The following F2R variants were observed in gnomAD, a reference collection of about 807,000 sequenced individuals.
The protein encoded by F2R is proteinase-activated receptor 1.
A neutral mutation model predicts 18.3 loss-of-function variants in F2R; 12 were observed. The observed-to-expected ratio is 0.66, with a 90% confidence interval of 0.42 to 1.06. The LOEUF (loss-of-function observed/expected upper bound fraction) is 1.06, where lower values mean the gene tolerates loss of function less well. Among genes scored for constraint, F2R ranks in the 50% least tolerant of loss-of-function variants. The pLI, the probability that F2R is intolerant of heterozygous loss-of-function variation, is 0.00. For synonymous variants in F2R, 210 were observed against 219.9 expected, an observed-to-expected ratio of 0.95 and a Z score of 0.40; for missense variants, 438 against 530.8, an observed-to-expected ratio of 0.83 and a Z score of 1.72.
chr5:76,732,466 C>G lies in F2R; in HGVS notation c.241C>G (p.Gln81Glu). ...LVSINKSSPLQKQLPAFISED... is the reference protein window; with the variant it reads ...LVSINKSSPLEKQLPAFISED... ...CTCCATCAATAAAAGCAGTCCTCTT[C>G]AAAAACAACTTCCTGCATTCATCTC... Residue 81 changes from glutamine (Q) to glutamate (E), a missense_variant, in exon 2 of 2, where the codon CAA becomes GAA. By Grantham distance (29) the Gln-to-Glu change is conservative (BLOSUM62 2). Coordinates refer to ENST00000319211, the MANE Select transcript of F2R (RefSeq NM_001992.5). 1 of 1,614,110 alleles carries G rather than the reference C, an allele frequency of 6.2e-7. No individual in the cohort carries two copies. Among genetic ancestry groups the G allele is most frequent in the African/African-American group, 1.3e-5 (1 of 74,998 alleles).
chr5:76,730,984 T>C (rs1748657773), intron 1 of F2R, among the ~76,000 whole-genome samples: 2 of 152,236 alleles, frequency 1.3e-5, no homozygotes, highest in Admixed American at 1.3e-4. Context: ...ATGCCCTCTC[T>C]TGGGCACTAC....
intron 1 of F2R, among the ~76,000 whole-genome samples, chr5:76,718,195 C>T (rs1282525550): frequency 6.6e-6 from 1 of 152,144 alleles, no homozygotes; most frequent in Non-Finnish European, 1.5e-5. Context: ...CCAGAGACAG[C>T]GGCTAAGCAA....
chr5:76,716,259 C>T lies in F2R; in HGVS notation c.-49C>T. 7.6e-7 allele frequency: 1 copy of T among 1,317,572 alleles called. No individual in the cohort carries two copies. Among genetic ancestry groups the T allele is most frequent in the Non-Finnish European group, 9.7e-7 (1 of 1,032,102 alleles). 81.6% of individuals were successfully genotyped at this position (1,317,572 alleles called of 1,614,324 possible). A position where few individuals can be genotyped will look rare whatever the true frequency, so the allele number is the denominator to read the frequency against. On this transcript the variant is annotated 5_prime_UTR_variant, in exon 1 of 2. Transcript: ENST00000319211. ...CAGGAGAGAGGGTGAAGCGGAGCAG[C>T]CCGAGGCGGGGCAGCCTCCCGGAGC... is the stretch of plus-strand genomic sequence containing the variant.
intron 1 of F2R, among the ~76,000 whole-genome samples, chr5:76,718,597 G>T (rs529869119): frequency 1.3e-5 from 2 of 152,282 alleles, no homozygotes; most frequent in South Asian, 4.1e-4. Flanking sequence ...TTGTCACTTT[G>T]TGTGTGTGTC....
rs980444018 is a variant in F2R at position 76,733,625 on chromosome 5, A to G, written c.*122A>G. On this transcript the variant is annotated 3_prime_UTR_variant, in exon 2 of 2. Transcript: ENST00000319211. ...CTAAAACAACAGATGTACGACTTGC[A>G]TACCTGCTTTTTATGGGAGCTGTCA... is the stretch of plus-strand genomic sequence containing the variant. The G allele has an allele frequency of 1.3e-6, 1 of 744,400 alleles. No homozygotes were observed. Among genetic ancestry groups the G allele is most frequent in the Non-Finnish European group, 2.1e-6 (1 of 471,226 alleles). The allele number at this position is 744,400 out of a possible 1,614,324, so 46.1% of individuals were successfully genotyped here. A position where few individuals can be genotyped will look rare whatever the true frequency, so the allele number is the denominator to read the frequency against.
rs369580387 is a variant in F2R at position 76,734,567 on chromosome 5, C to T, written c.*1064C>T. 6 of 152,460 alleles carry T rather than the reference C, an allele frequency of 3.9e-5. No homozygotes were observed. The highest frequency in any genetic ancestry group is 3.8e-4 in the East Asian group (2 of 5,322). The allele number at this position is 152,460 out of a possible 1,614,324, so 9.4% of individuals were successfully genotyped here. On this transcript the variant is annotated 3_prime_UTR_variant, in exon 2 of 2. Transcript: ENST00000319211. The stretch of plus-strand genomic sequence containing the variant: ...GATGCCCATCCACTGGGTGTAAACA[C>T]ATCTAGTAGTTGTTCTGAAATGTCA...
intron 1 of F2R, among the ~76,000 whole-genome samples, chr5:76,726,446 G>C (rs909096611): frequency 1.3e-5 from 2 of 152,136 alleles, no homozygotes; most frequent in African/African-American, 4.8e-5. Flanking sequence ...CAAGAGAATG[G>C]CGTGAACCCG....
chr5:76,717,015 A>G (rs966749669), intron 1 of F2R, among the ~76,000 whole-genome samples: 2 of 152,284 alleles, frequency 1.3e-5, no homozygotes, highest in Admixed American at 1.3e-4. Flanking sequence ...GGGAGGGGAC[A>G]TGGAGAGGAT....
chr5:76,717,586 G>A (rs1748370235), intron 1 of F2R, among the ~76,000 whole-genome samples: 1 of 152,136 alleles, frequency 6.6e-6, no homozygotes, highest in African/African-American at 2.4e-5. Flanking sequence ...CCAGACTGGG[G>A]CCCAGTGTTT....
chr5:76,733,386 C>T lies in F2R; in HGVS notation c.1161C>T (p.Cys387=). 2 of 1,614,144 alleles carry T rather than the reference C, an allele frequency of 1.2e-6. No individual in the cohort carries two copies. The highest frequency in any genetic ancestry group is 1.7e-6 in the Non-Finnish European group (2 of 1,180,036). Residue 387 remains cysteine, a synonymous_variant, in exon 2 of 2, where the codon TGC becomes TGT. Coordinates refer to ENST00000319211, the MANE Select transcript of F2R (RefSeq NM_001992.5). ...ECQRYVYSIL[C]CKESSDPSSY... Reference sequence around the variant, plus strand: ...AGAGGTACGTCTACAGTATCTTATGCTGCAAAGAAAGTTCCGATCCCAGCA... The same window carrying T: ...AGAGGTACGTCTACAGTATCTTATGTTGCAAAGAAAGTTCCGATCCCAGCA...
At chr5:76,716,685 A>T (rs748069660) in intron 1 of F2R, 3 of 740,974 alleles carry the variant, frequency 4.0e-6, no homozygotes, top group African/African-American at 3.5e-5. Flanking sequence ...GGGAGCCTGC[A>T]GTCCTGCGTT....
At chr5:76,724,394 A>T (rs575468177) in intron 1 of F2R, among the ~76,000 whole-genome samples, 1 of 152,274 alleles carries the variant, frequency 6.6e-6, no homozygotes, top group East Asian at 1.9e-4. Context: ...ATATCATCTG[A>T]TAATCAGTCA....
chr5:76,726,587 G>C (rs1748561869), intron 1 of F2R, among the ~76,000 whole-genome samples: 1 of 151,946 alleles, frequency 6.6e-6, no homozygotes, highest in Non-Finnish European at 1.5e-5. Context: ...TGTAATCCCA[G>C]CTACTTGGGA....
chr5:76,720,145 T>C (rs1252740193), intron 1 of F2R, among the ~76,000 whole-genome samples: 1 of 152,152 alleles, frequency 6.6e-6, no homozygotes, highest in East Asian at 1.9e-4. Flanking sequence ...TTATAGAACA[T>C]ACCAGCATAG....
chr5:76,724,361 G>A (rs1015440833), intron 1 of F2R, among the ~76,000 whole-genome samples: 4 of 152,144 alleles, frequency 2.6e-5, no homozygotes, highest in Admixed American at 6.5e-5. Flanking sequence ...GTGAGCCACC[G>A]TGCCCGGCCT....
At position 76,733,536 on chromosome 5, in the gene F2R, G is replaced by GT. The variant is rs768865391; in HGVS notation, c.*36dup. Reference sequence around the variant, plus strand: ...GACTGCTGGGAGGTTAAAAAGAAAAGTTTATAAAAGTGAATAACCTGAGGA... The same window carrying GT: ...GACTGCTGGGAGGTTAAAAAGAAAAGTTTTATAAAAGTGAATAACCTGAGGA... On this transcript the variant is annotated 3_prime_UTR_variant, in exon 2 of 2. Coordinates refer to ENST00000319211, the MANE Select transcript of F2R (RefSeq NM_001992.5). 6.6e-7 allele frequency: 1 copy of GT among 1,522,520 alleles called. No homozygotes were observed. The highest frequency in any genetic ancestry group is 1.3e-5 in the South Asian group (1 of 79,120). The allele number at this position is 1,522,520 out of a possible 1,614,324, so 94.3% of individuals were successfully genotyped here.
At chr5:76,727,743 C>T (rs1403271034) in intron 1 of F2R, among the ~76,000 whole-genome samples, 1 of 149,696 alleles carries the variant, frequency 6.7e-6, no homozygotes. Flanking sequence ...ATTTTCAGTT[C>T]ATTTCTATAA....
chr5:76,730,328 G>A (rs1748646817), intron 1 of F2R, among the ~76,000 whole-genome samples: 1 of 152,080 alleles, frequency 6.6e-6, no homozygotes. Context: ...TTCCTTTCCA[G>A]GATTCTCTCC....
chr5:76,732,717 C>T lies in F2R; in HGVS notation c.492C>T (p.Ser164=), dbSNP rs746222469. The T allele has an allele frequency of 2.2e-5, 35 of 1,614,050 alleles. 1 individual carries two copies. The highest frequency in any genetic ancestry group is 4.4e-5 in the South Asian group (4 of 91,088). The change falls in exon 2 of 2, where the codon TCC becomes TCT. Residue 164 remains serine, a synonymous_variant. Transcript: ENST00000319211. ...CCTTTAAGATCAGCTATTACTTTTC[C>T]GGCAGTGATTGGCAGTTTGGGTCTG... ...VLPFKISYYF[S]GSDWQFGSEL... is the part of the protein sequence containing the mutation.
Sources: gnomAD v4.1 joint callset for allele counts (sites outside exome capture counted in the v4.1 genomes callset) on GRCh38, gnomAD v4.1.1 for gene constraint, MANE v1.5 for transcripts, NCBI Gene and HGNC (gene_info 2026-07-23, HGNC 2026-07-21) for gene names.